Variants in ZNF718 observed in about 807,000 individuals in gnomAD.
ZNF718 encodes zinc finger protein 718.
ZNF718 carries 3 observed loss-of-function variants against 2.6 expected under a neutral mutation model. The ratio of observed to expected loss-of-function variants is 1.16; its 90% CI spans 0.53 to 3.01. The LOEUF is 3.01. Ranked by LOEUF, ZNF718 falls within the 30% of genes most tolerant of loss-of-function variation. The pLI is 0.03. For missense variants in ZNF718, 468 were observed against 230.0 expected, an observed-to-expected ratio of 2.03 and a Z score of -6.69; for synonymous variants, 135 against 77.9, an observed-to-expected ratio of 1.73 and a Z score of -3.86.
At chr4:141,111 A>C (rs1715792537) in intron 3 of ZNF718, among the ~76,000 whole-genome samples, 1 of 152,162 alleles carries the variant, frequency 6.6e-6, no homozygotes, top group Non-Finnish European at 1.5e-5. Context: ...GGGTTTCACT[A>C]AAGTTTCAGG....
Position 161,738 on chromosome 4 carries a change from C to T in ZNF718, c.1053C>T (p.Ser351=), listed in dbSNP as rs782145970. ...AATGTGGAAAATCCTTTAATAGGTC[C>T]ACAACTCTTACGACACATAAGAGAA... ...CEECGKSFNR[S]TTLTTHKRIH... The change falls in exon 4 of 4, where the codon TCC becomes TCT. Residue 351 remains serine, a synonymous_variant. Coordinates refer to ENST00000510175, the MANE Select transcript of ZNF718 (RefSeq NM_001039127.6). 1 of 779,726 alleles carries T rather than the reference C, an allele frequency of 1.3e-6. No homozygotes were observed. 48.3% of individuals were successfully genotyped at this position (779,726 alleles called of 1,614,324 possible).
intron 3 of ZNF718, among the ~76,000 whole-genome samples, chr4:149,150 A>G (rs1435665411): frequency 6.6e-6 from 1 of 152,138 alleles, no homozygotes. Flanking sequence ...TCACTTTCTG[A>G]TATGTTCTAT....
At chr4:180,556 G>A (rs1356497912) in intron 3 of ZNF718, among the ~76,000 whole-genome samples, 2 of 152,194 alleles carry the variant, frequency 1.3e-5, no homozygotes, top group African/African-American at 4.8e-5. Flanking sequence ...AACTTTGGGA[G>A]AATCAAACCA....
At chr4:144,891 T>A (rs1289880227) in intron 3 of ZNF718, among the ~76,000 whole-genome samples, 3 of 152,144 alleles carry the variant, frequency 2.0e-5, no homozygotes, top group African/African-American at 7.2e-5. Context: ...TTTAGTGAAG[T>A]AGGTTTTTTC....
intron 3 of ZNF718, among the ~76,000 whole-genome samples, chr4:154,144 A>G (rs996197384): frequency 6.6e-6 from 1 of 152,110 alleles, no homozygotes. Flanking sequence ...CCTGCCATAT[A>G]TGACATGACT....
intron 3 of ZNF718, among the ~76,000 whole-genome samples, chr4:137,625 C>A (rs551432406): frequency 2.1e-4 from 32 of 152,218 alleles, no homozygotes; most frequent in African/African-American, 7.5e-4. Flanking sequence ...TAATTGTTTG[C>A]TGTGTGTATT....
intron 3 of ZNF718, among the ~76,000 whole-genome samples, chr4:184,078 C>G (rs937400391): frequency 1.3e-5 from 2 of 152,130 alleles, no homozygotes; most frequent in South Asian, 4.1e-4. Context: ...GCATCCTTAT[C>G]TTGTGCTGAT....
chr4:191,389 T>G (rs1352269343), intron 3 of ZNF718, among the ~76,000 whole-genome samples: 1 of 151,962 alleles, frequency 6.6e-6, no homozygotes, highest in Non-Finnish European at 1.5e-5. Flanking sequence ...TGACCTTAGG[T>G]GATCCACCTG....
At chr4:160,349 GCTTAC>G (rs1448710478) in intron 3 of ZNF718, among the ~76,000 whole-genome samples, 1 of 152,042 alleles carries the variant, frequency 6.6e-6, no homozygotes, top group Non-Finnish European at 1.5e-5. Flanking sequence ...TTGGAATTGT[GCTTAC>G]CTGAGGCATT....
At chr4:140,610 A>G (rs1715771259) in intron 3 of ZNF718, among the ~76,000 whole-genome samples, 1 of 152,140 alleles carries the variant, frequency 6.6e-6, no homozygotes, top group South Asian at 2.1e-4. Flanking sequence ...GCTTTACCCA[A>G]AATTTTGGTT....
chr4:187,133 CT>C (rs1382921437), intron 3 of ZNF718, among the ~76,000 whole-genome samples: 1 of 151,918 alleles, frequency 6.6e-6, no homozygotes, highest in Non-Finnish European at 1.5e-5. Context: ...TTTTAATCAT[CT>C]GGTTGCTCTT....
intron 3 of ZNF718, among the ~76,000 whole-genome samples, chr4:143,419 C>A (rs1553810607): frequency 6.6e-6 from 1 of 152,144 alleles, no homozygotes; most frequent in Non-Finnish European, 1.5e-5. Context: ...AACTCCTGAC[C>A]TTGTGATCCA....
At chr4:175,375 C>G (rs1214140477) in intron 3 of ZNF718, among the ~76,000 whole-genome samples, 1 of 152,046 alleles carries the variant, frequency 6.6e-6, no homozygotes, top group Admixed American at 6.6e-5. Flanking sequence ...TGAATAAAAC[C>G]CTGGAAAGAC....
chr4:174,000 A>C (rs1468374679), intron 3 of ZNF718, among the ~76,000 whole-genome samples: 1 of 152,082 alleles, frequency 6.6e-6, no homozygotes, highest in Non-Finnish European at 1.5e-5. Flanking sequence ...TAGGCCCCCA[A>C]GTAGAGAGCA....
chr4:195,613 G>C (rs543176992), intron 3 of ZNF718, among the ~76,000 whole-genome samples: 1 of 151,730 alleles, frequency 6.6e-6, no homozygotes, highest in Admixed American at 6.6e-5. Flanking sequence ...GGATAGCTCT[G>C]AACTGGTGAG....
intron 3 of ZNF718, among the ~76,000 whole-genome samples, chr4:148,201 TAA>T (rs1716153169): frequency 1.3e-5 from 2 of 152,136 alleles, no homozygotes; most frequent in South Asian, 4.1e-4. Context: ...ATAGTGGGAA[TAA>T]AGTCAGCCAG....
At chr4:159,374 A>T (rs1389650592) in intron 3 of ZNF718, among the ~76,000 whole-genome samples, 1 of 148,660 alleles carries the variant, frequency 6.7e-6, no homozygotes, top group South Asian at 2.2e-4. Flanking sequence ...TTACAATTCC[A>T]TGACATCTGG....
At chr4:125,042 A>C in intron 1 of ZNF718, 1 of 194,790 alleles carries the variant, frequency 5.1e-6, no homozygotes, top group South Asian at 8.7e-5. Flanking sequence ...CATGGAGTTC[A>C]TGTGAGCAAA....
intron 3 of ZNF718, among the ~76,000 whole-genome samples, chr4:173,266 A>G (rs1431634022): frequency 1.3e-5 from 2 of 151,904 alleles, no homozygotes; most frequent in African/African-American, 2.4e-5. Flanking sequence ...GTAATTAAAT[A>G]TTATTTACTA....
Sources: gnomAD v4.1 joint callset for allele counts (sites outside exome capture counted in the v4.1 genomes callset) on GRCh38, gnomAD v4.1.1 for gene constraint, MANE v1.5 for transcripts, NCBI Gene and HGNC (gene_info 2026-07-23, HGNC 2026-07-21) for gene names.